Variants in GPATCH2L observed in about 807,000 individuals in gnomAD.
The protein encoded by GPATCH2L is G patch domain-containing protein 2-like.
GPATCH2L carries 31 observed loss-of-function variants against 57.4 expected under a neutral mutation model. That is an observed-to-expected ratio of 0.54 (90% CI 0.41 to 0.73). The LOEUF is 0.73. Ranked by LOEUF, GPATCH2L falls within the 30% of genes least tolerant of loss-of-function variation. The probability of loss-of-function intolerance (pLI) is 0.00; values close to 1 mark genes in which losing one functional copy is unlikely to be tolerated. For missense variants in GPATCH2L, 481 were observed against 599.9 expected (o/e 0.80, Z 2.07); for synonymous variants, 199 against 210.7 (o/e 0.94, Z 0.48).
At chr14:76,231,188 G>A (rs12890316) in intron 2 of GPATCH2L, among the ~76,000 whole-genome samples, 41,984 of 152,156 alleles carry the variant, frequency 0.28, 6,168 homozygotes, top group Non-Finnish European at 0.3. Context: ...TTTGTGTATA[G>A]TATCAACTCA....
Position 76,211,066 on chromosome 14 carries a change from A to C in GPATCH2L, c.*9215A>C, listed in dbSNP as rs1220322453. The C allele has an allele frequency of 6.6e-6, 1 of 152,230 alleles. No homozygotes were observed. Among genetic ancestry groups the C allele is most frequent in the South Asian group, 2.1e-4 (1 of 4,832 alleles). 9.4% of individuals were successfully genotyped at this position (152,230 alleles called of 1,614,324 possible). On this transcript the variant is annotated 3_prime_UTR_variant, in exon 10 of 10. Transcript: ENST00000261530. Reference sequence around the variant, plus strand: ...GGCAGTGGAAGAAGTAAAAAAAAACATTGAAAGAAATCCTGAAGGATAAGC... The same window carrying C: ...GGCAGTGGAAGAAGTAAAAAAAAACCTTGAAAGAAATCCTGAAGGATAAGC...
chr14:76,155,281 A>G (rs1441987777), intron 2 of GPATCH2L, among the ~76,000 whole-genome samples: 1 of 152,230 alleles, frequency 6.6e-6, no homozygotes, highest in Non-Finnish European at 1.5e-5. Context: ...CAAATGCAAA[A>G]CTAATAATTT....
chr14:76,194,504 T>TGTGTGTGTGC (rs1375603616), intron 8 of GPATCH2L, among the ~76,000 whole-genome samples: 57 of 152,208 alleles, frequency 3.7e-4, no homozygotes, highest in African/African-American at 1.2e-3. Flanking sequence ...TGTGTGTGTG[T>TGTGTGTGTGC]GCACGCTCAT....
In GPATCH2L at chr14:76,206,661, A is replaced by G. The variant is rs1180291970; in HGVS notation, c.*4810A>G. On this transcript the variant is annotated 3_prime_UTR_variant, in exon 10 of 10. Coordinates refer to ENST00000261530, the MANE Select transcript of GPATCH2L (RefSeq NM_017926.4). ...TTCTCAATGTGTGGTCCCTAGGCCAACAGCATCAGCACATCTTGCCCTCAC... is the reference window on the plus strand; with the variant it reads ...TTCTCAATGTGTGGTCCCTAGGCCAGCAGCATCAGCACATCTTGCCCTCAC... 1 of 152,446 alleles carries G rather than the reference A, an allele frequency of 6.6e-6. No homozygotes were observed. Among genetic ancestry groups the G allele is most frequent in the African/African-American group, 2.4e-5 (1 of 41,472 alleles). 9.4% of individuals were successfully genotyped at this position (152,446 alleles called of 1,614,324 possible).
chr14:76,197,317 T>C (rs1028610834), intron 9 of GPATCH2L, among the ~76,000 whole-genome samples: 2 of 152,208 alleles, frequency 1.3e-5, no homozygotes, highest in Admixed American at 1.3e-4. Flanking sequence ...CTTTTTGTTC[T>C]TTTTTTCTCC....
intron 8 of GPATCH2L, among the ~76,000 whole-genome samples, chr14:76,181,252 A>G (rs947454061): frequency 1.3e-5 from 2 of 151,986 alleles, no homozygotes; most frequent in African/African-American, 4.8e-5. Context: ...AGTACTAGGG[A>G]GTTCTGTTTT....
chr14:76,185,356 G>A (rs2039726624), intron 8 of GPATCH2L, among the ~76,000 whole-genome samples: 1 of 152,232 alleles, frequency 6.6e-6, no homozygotes, highest in Non-Finnish European at 1.5e-5. Context: ...TAAGGGCACA[G>A]TCACAAACTT....
intron 8 of GPATCH2L, among the ~76,000 whole-genome samples, chr14:76,182,703 G>A (rs965307734): frequency 4.6e-5 from 7 of 152,076 alleles, no homozygotes; most frequent in Non-Finnish European, 7.4e-5. Flanking sequence ...TTCATTCAGC[G>A]TTTGCTGGAA....
At chr14:76,181,075 T>C (rs1169018378) in intron 8 of GPATCH2L, among the ~76,000 whole-genome samples, 1 of 152,216 alleles carries the variant, frequency 6.6e-6, no homozygotes, top group Non-Finnish European at 1.5e-5. Context: ...GACCTAAGTC[T>C]TCTGGCTCAT....
At chr14:76,197,360 T>A (rs2040186861) in intron 9 of GPATCH2L, among the ~76,000 whole-genome samples, 4 of 152,186 alleles carry the variant, frequency 2.6e-5, no homozygotes, top group Admixed American at 2.6e-4. Flanking sequence ...AGCTTTTAAT[T>A]GTTTATAAGA....
intron 5 of GPATCH2L, 165 bp downstream of exon 5, chr14:76,173,790 T>G (rs775483043): frequency 2.8e-5 from 15 of 539,226 alleles, no homozygotes; most frequent in Non-Finnish European, 5.1e-5. Context: ...AGAATGTGAA[T>G]GGATATACAA....
intron 8 of GPATCH2L, among the ~76,000 whole-genome samples, chr14:76,192,453 C>T (rs951433589): frequency 3.9e-5 from 6 of 152,114 alleles, no homozygotes; most frequent in African/African-American, 1.4e-4. Flanking sequence ...AATAGCTCTC[C>T]AACCTTGAAA....
chr14:76,208,970 T>G lies in GPATCH2L; in HGVS notation c.*7119T>G, dbSNP rs539269340. ...GGGTTTCAGTCTTTAAAAAGAAATG[T>G]AGCTGAGGCTGAGAACCACCACTCT... is the stretch of plus-strand genomic sequence containing the variant. On this transcript the variant is annotated 3_prime_UTR_variant, in exon 10 of 10. Transcript: ENST00000261530. The G allele has an allele frequency of 1.3e-5, 2 of 152,164 alleles. No homozygotes were observed. The highest frequency in any genetic ancestry group is 2.9e-5 in the Non-Finnish European group (2 of 68,036). 9.4% of individuals were successfully genotyped at this position (152,164 alleles called of 1,614,324 possible).
chr14:76,227,046 G>T (rs2040539069), intron 1 of GPATCH2L, among the ~76,000 whole-genome samples: 1 of 152,218 alleles, frequency 6.6e-6, no homozygotes, highest in South Asian at 2.1e-4. Flanking sequence ...TCTGCTTTAA[G>T]CCCAGGGCCT....
chr14:76,205,373 G>A lies in GPATCH2L; in HGVS notation c.*3522G>A, dbSNP rs2040362484. 6.6e-6 allele frequency: 1 copy of A among 152,162 alleles called. No individual in the cohort carries two copies. The highest frequency in any genetic ancestry group is 6.5e-5 in the Admixed American group (1 of 15,284). The allele number at this position is 152,162 out of a possible 1,614,324, so 9.4% of individuals were successfully genotyped here. ...GTATAATTTTTACTGAGTGGTATGT[G>A]GTTGGAAAATAGGCCACATTTAGCC... On this transcript the variant is annotated 3_prime_UTR_variant, in exon 10 of 10. Coordinates refer to ENST00000261530, the MANE Select transcript of GPATCH2L (RefSeq NM_017926.4).
At chr14:76,229,799 C>T (rs561175895) in intron 1 of GPATCH2L, 1 of 152,140 alleles carries the variant, frequency 6.6e-6, no homozygotes, top group Non-Finnish European at 1.5e-5. Flanking sequence ...AACTTTCAAT[C>T]TTGATTAGGT....
chr14:76,224,388 G>A lies in GPATCH2L; in HGVS notation c.66-5420G>A, dbSNP rs1159548710. Among the ~76,000 whole-genome samples, 47 of 152,096 alleles carry A rather than the reference G, an allele frequency of 3.1e-4. 1 individual carries two copies. The highest frequency in any genetic ancestry group is 3.0e-3 in the Admixed American group (46 of 15,272). Reference sequence around the variant, plus strand: ...TAAAATGATGACTTTCAAGATATACGAATTATGTTTCCATTTAAATATTAG... The same window carrying A: ...TAAAATGATGACTTTCAAGATATACAAATTATGTTTCCATTTAAATATTAG... On this transcript the variant is annotated intron_variant and NMD_transcript_variant, in intron 1 of 3. Coordinates refer to the GPATCH2L transcript ENST00000556372.
At chr14:76,192,402 A>G (rs1311182772) in intron 8 of GPATCH2L, among the ~76,000 whole-genome samples, 12 of 152,156 alleles carry the variant, frequency 7.9e-5, no homozygotes, top group Admixed American at 7.9e-4. Flanking sequence ...ATGTCCTCAT[A>G]TACTGACAGC....
At chr14:76,217,754 A>G (rs140758413), downstream of GPATCH2L, among the ~76,000 whole-genome samples, 27 of 152,332 alleles carry the variant, frequency 1.8e-4, no homozygotes, top group Admixed American at 1.6e-3. Flanking sequence ...TAGAAGAGAT[A>G]TGAGCAGACA....
Sources: gnomAD v4.1 joint callset for allele counts (sites outside exome capture counted in the v4.1 genomes callset) on GRCh38, gnomAD v4.1.1 for gene constraint, MANE v1.5 for transcripts, NCBI Gene and HGNC (gene_info 2026-07-23, HGNC 2026-07-21) for gene names.